Variants in HIVEP3 observed in about 807,000 individuals in gnomAD.
HIVEP3 encodes transcription factor HIVEP3.
A neutral mutation model predicts 152.8 loss-of-function variants in HIVEP3; 49 were observed. That is an observed-to-expected ratio of 0.32 (90% confidence interval 0.26 to 0.41). The LOEUF is 0.41. HIVEP3 is among the 10% of genes least tolerant of loss of function. HIVEP3 has a pLI of 1.00. For synonymous variants in HIVEP3, 1,269 were observed against 1,289.0 expected (o/e 0.98, Z 0.33); for missense variants, 2,790 against 3,103.3 (o/e 0.90, Z 2.40).
intron 1 of HIVEP3, among the ~76,000 whole-genome samples, chr1:42,012,058 G>T (rs765951469): frequency 6.6e-6 from 1 of 152,076 alleles, no homozygotes; most frequent in Non-Finnish European, 1.5e-5. Flanking sequence ...CAGGAAACTA[G>T]GTATCTTTCC....
At chr1:41,782,577 C>T (rs1366532025) in intron 1 of HIVEP3, among the ~76,000 whole-genome samples, 2 of 151,816 alleles carry the variant, frequency 1.3e-5, no homozygotes, top group East Asian at 1.9e-4. Context: ...ACTAAAAATA[C>T]AAAAATTAGC....
At chr1:41,962,783 C>T (rs1285968189) in intron 1 of HIVEP3, among the ~76,000 whole-genome samples, 2 of 152,170 alleles carry the variant, frequency 1.3e-5, no homozygotes, top group Non-Finnish European at 2.9e-5. Flanking sequence ...CGAACTCAAG[C>T]CAAGCATTTT....
chr1:41,739,790 A>G (rs903803443), intron 1 of HIVEP3, among the ~76,000 whole-genome samples: 4 of 152,244 alleles, frequency 2.6e-5, no homozygotes, highest in African/African-American at 9.6e-5. Context: ...CTCAGAGACC[A>G]TGTGACTTGT....
At chr1:41,936,961 C>T (rs998913472) in intron 1 of HIVEP3, among the ~76,000 whole-genome samples, 1 of 152,068 alleles carries the variant, frequency 6.6e-6, no homozygotes, top group African/African-American at 2.4e-5. Flanking sequence ...CTTTTTACAA[C>T]AAAGAAAGCT....
chr1:41,709,950 G>A (rs1282911195), intron 1 of HIVEP3, among the ~76,000 whole-genome samples: 2 of 152,188 alleles, frequency 1.3e-5, no homozygotes, highest in Non-Finnish European at 2.9e-5. Flanking sequence ...CTGGAGTGGG[G>A]CAGGGGGAGG....
intron 5 of HIVEP3, among the ~76,000 whole-genome samples, chr1:41,557,622 A>G (rs1326738278): frequency 2.0e-5 from 3 of 149,248 alleles, no homozygotes; most frequent in African/African-American, 7.5e-5. Context: ...GAGGTTGAGG[A>G]GTGATGGGCA....
At chr1:41,573,031 C>A (rs1644273505) in intron 5 of HIVEP3, among the ~76,000 whole-genome samples, 2 of 152,188 alleles carry the variant, frequency 1.3e-5, no homozygotes, top group Admixed American at 1.3e-4. Context: ...CTGGGTGGAA[C>A]CATTGTTTTC....
Position 41,607,635 on chromosome 1 carries a change from CT to C in HIVEP3, c.-522+21113del, listed in dbSNP as rs142382963. Among the ~76,000 whole-genome samples the C allele has an allele frequency of 4.3e-3, 656 of 151,154 alleles. 5 individuals are homozygous for C. The highest frequency in any genetic ancestry group is 0.015 in the African/African-American group (610 of 41,190). On this transcript the variant is annotated intron_variant, in intron 3 of 8. Transcript: ENST00000372583. Reference sequence around the variant, plus strand: ...TCCATTTTAGGCCTTCTCTTTCATTCTATTGGTTTGCTTCCAATGTTTGGTG... The same window carrying C: ...TCCATTTTAGGCCTTCTCTTTCATTCATTGGTTTGCTTCCAATGTTTGGTG...
intron 1 of HIVEP3, among the ~76,000 whole-genome samples, chr1:41,824,764 TATATATATATATATATATATAGAGAGAG>T (rs1642717144): frequency 2.8e-5 from 1 of 36,132 alleles, no homozygotes; most frequent in Non-Finnish European, 5.7e-5. Context: ...TATATATATA[TATATATATATATATATATATAGAGAGAG>T]AGAGAGAGAG....
chr1:41,570,116 G>C (rs1202112623), intron 5 of HIVEP3, among the ~76,000 whole-genome samples: 1 of 152,168 alleles, frequency 6.6e-6, no homozygotes, highest in Non-Finnish European at 1.5e-5. Context: ...ATGGTGTATA[G>C]ATCACGTTGG....
intron 1 of HIVEP3, among the ~76,000 whole-genome samples, chr1:41,728,976 C>T (rs867145559): frequency 6.6e-6 from 1 of 152,206 alleles, no homozygotes; most frequent in Non-Finnish European, 1.5e-5. Flanking sequence ...AGCCACACTG[C>T]TGCCCACAAT....
chr1:41,752,978 T>C (rs1271232581), intron 1 of HIVEP3, among the ~76,000 whole-genome samples: 1 of 152,258 alleles, frequency 6.6e-6, no homozygotes, highest in Non-Finnish European at 1.5e-5. Context: ...CGCTGGGCAC[T>C]GCCTTTGGGT....
intron 2 of HIVEP3, among the ~76,000 whole-genome samples, chr1:41,680,731 C>T (rs543889482): frequency 1.3e-5 from 2 of 152,212 alleles, no homozygotes; most frequent in Admixed American, 6.5e-5. Flanking sequence ...TGGCGATCTG[C>T]CGCACAATGT....
chr1:41,943,851 A>C (rs10890170), intron 1 of HIVEP3, among the ~76,000 whole-genome samples: 118,261 of 152,140 alleles, frequency 0.78, 46,347 homozygotes, highest in East Asian at 0.96. Flanking sequence ...AAAACAGAAA[A>C]AATAATTGAA....
At chr1:41,724,372 A>G (rs1646721471) in intron 1 of HIVEP3, among the ~76,000 whole-genome samples, 1 of 152,212 alleles carries the variant, frequency 6.6e-6, no homozygotes, top group African/African-American at 2.4e-5. Flanking sequence ...TGGCCTTCAT[A>G]TGGAATGCCT....
At chr1:41,974,051 T>C (rs1645245663) in intron 1 of HIVEP3, among the ~76,000 whole-genome samples, 1 of 152,126 alleles carries the variant, frequency 6.6e-6, no homozygotes, top group South Asian at 2.1e-4. Context: ...AGGCAAGAGC[T>C]GGCATAGAGC....
intron 1 of HIVEP3, among the ~76,000 whole-genome samples, chr1:41,902,875 C>T (rs897748744): frequency 5.3e-5 from 8 of 152,212 alleles, no homozygotes; most frequent in Non-Finnish European, 7.3e-5. Flanking sequence ...GAGGCTCTTA[C>T]AGTGCAGAGA....
chr1:41,657,030 C>T (rs1365713472), intron 2 of HIVEP3, among the ~76,000 whole-genome samples: 4 of 152,206 alleles, frequency 2.6e-5, no homozygotes, highest in East Asian at 1.9e-4. Context: ...CACATGGCCA[C>T]GTGGCTTGTG....
intron 1 of HIVEP3, among the ~76,000 whole-genome samples, chr1:42,020,372 T>G (rs1396895350): frequency 1.3e-5 from 2 of 152,166 alleles, no homozygotes; most frequent in South Asian, 4.1e-4. Context: ...TCTTTAATAA[T>G]GAATTAAACT....
Sources: allele counts gnomAD v4.1 joint callset (sites outside exome capture counted in the v4.1 genomes callset), GRCh38; gene constraint gnomAD v4.1.1; transcripts MANE v1.5; gene names NCBI Gene and HGNC (gene_info 2026-07-23, HGNC 2026-07-21).